SLC16A12: variants seen among roughly 807,000 people sequenced by gnomAD.
The protein encoded by SLC16A12 is monocarboxylate transporter 12.
SLC16A12 carries 17 observed loss-of-function variants against 42.4 expected under a neutral mutation model. That is an observed-to-expected ratio of 0.40 (90% CI 0.27 to 0.60). The LOEUF (loss-of-function observed/expected upper bound fraction) is 0.60, where lower values mean the gene tolerates loss of function less well. SLC16A12 is among the 20% of genes least tolerant of loss of function. The pLI is 0.42. For missense variants in SLC16A12, 544 were observed against 623.0 expected (o/e 0.87, Z 1.35); for synonymous variants, 224 against 229.4 (o/e 0.98, Z 0.21).
At chr10:89,439,909 A>G (rs868139318) in intron 5 of SLC16A12, among the ~76,000 whole-genome samples, 1 of 148,682 alleles carries the variant, frequency 6.7e-6, no homozygotes, top group Non-Finnish European at 1.5e-5. Flanking sequence ...CCATCTCTGC[A>G]AAAAAAAATA....
chr10:89,555,007 C>T (rs1029138513), intron 2 of SLC16A12, among the ~76,000 whole-genome samples: 6 of 152,138 alleles, frequency 3.9e-5, no homozygotes, highest in African/African-American at 1.4e-4. Context: ...CCATACCTAA[C>T]CCTTGTCTGT....
chr10:89,462,694 T>C, intron 2 of SLC16A12, 70 bp from the exon 3 acceptor site: 3 of 1,434,396 alleles, frequency 2.1e-6, no homozygotes, highest in Non-Finnish European at 2.7e-6. Context: ...CTTCACTTGG[T>C]AAGACATGAT....
At chr10:89,545,601 A>AG (rs1307171705) in intron 2 of SLC16A12, among the ~76,000 whole-genome samples, 1 of 152,262 alleles carries the variant, frequency 6.6e-6, no homozygotes, top group Admixed American at 6.5e-5. Flanking sequence ...CCTCATGGAT[A>AG]GGAAGAATCA....
chr10:89,466,107 T>C (rs543591382), intron 2 of SLC16A12, among the ~76,000 whole-genome samples: 82 of 152,298 alleles, frequency 5.4e-4, no homozygotes, highest in African/African-American at 1.7e-3. Context: ...TTACTTTATG[T>C]CTCTGAGCCT....
At chr10:89,512,808 G>T (rs538845702) in intron 2 of SLC16A12, among the ~76,000 whole-genome samples, 2 of 152,318 alleles carry the variant, frequency 1.3e-5, no homozygotes, top group African/African-American at 4.8e-5. Context: ...CCAAGAGGGG[G>T]TTGGAACCTC....
At chr10:89,542,004 A>G (rs1011830898) in intron 2 of SLC16A12, among the ~76,000 whole-genome samples, 1 of 152,182 alleles carries the variant, frequency 6.6e-6, no homozygotes, top group Non-Finnish European at 1.5e-5. Context: ...AGTTCCTGTG[A>G]TATCCCAGGG....
At chr10:89,555,068 G>T (rs537495991) in intron 2 of SLC16A12, among the ~76,000 whole-genome samples, 1 of 152,194 alleles carries the variant, frequency 6.6e-6, no homozygotes, top group East Asian at 1.9e-4. Flanking sequence ...CACCTAGAAA[G>T]CATCCAGTAA....
At chr10:89,495,735 T>C (rs1339126340) in intron 2 of SLC16A12, among the ~76,000 whole-genome samples, 2 of 152,210 alleles carry the variant, frequency 1.3e-5, no homozygotes, top group Non-Finnish European at 1.5e-5. Flanking sequence ...TACAGTACAC[T>C]GTAGAGTACA....
intron 2 of SLC16A12, among the ~76,000 whole-genome samples, chr10:89,473,807 A>C (rs938573978): frequency 3.9e-5 from 6 of 152,132 alleles, no homozygotes. Flanking sequence ...TAGAGAAGCA[A>C]GAGGGAAACA....
At chr10:89,500,468 G>A (rs1347850932) in intron 2 of SLC16A12, among the ~76,000 whole-genome samples, 1 of 151,996 alleles carries the variant, frequency 6.6e-6, no homozygotes, top group Non-Finnish European at 1.5e-5. Context: ...CATAGCAGGA[G>A]TGTGAATGTA....
intron 4 of SLC16A12, among the ~76,000 whole-genome samples, chr10:89,442,611 G>A (rs1283120188): frequency 6.6e-6 from 1 of 152,146 alleles, no homozygotes; most frequent in Non-Finnish European, 1.5e-5. Context: ...AAAAAGACAA[G>A]CTCTATAACT....
At position 89,438,687 on chromosome 10, in the gene SLC16A12, A is replaced by T; in HGVS notation, c.945T>A (p.His315Gln). ...TGGACATAAGAAAAGCAGCTTGCTGATGACTCACTCCAACACTCAAAGCAT... is the reference window on the plus strand; with the variant it reads ...TGGACATAAGAAAAGCAGCTTGCTGTTGACTCACTCCAACACTCAAAGCAT... ...VPYALSVGVS[H>Q]QQAAFLMSIL... The change falls in exon 6 of 8, where the codon CAT becomes CAA. Residue 315 changes from histidine to glutamine, a missense_variant. Physicochemically the swap from His to Gln is conservative, Grantham distance 24. Coordinates refer to ENST00000371790, the MANE Select transcript of SLC16A12 (RefSeq NM_213606.4). 1 of 1,614,116 alleles carries T rather than the reference A, an allele frequency of 6.2e-7. No homozygotes were observed. Among genetic ancestry groups the T allele is most frequent in the Admixed American group, 1.7e-5 (1 of 59,996 alleles).
At chr10:89,522,908 A>C (rs909666571) in intron 2 of SLC16A12, among the ~76,000 whole-genome samples, 1 of 152,242 alleles carries the variant, frequency 6.6e-6, no homozygotes, top group Non-Finnish European at 1.5e-5. Flanking sequence ...TTGTAGACAC[A>C]AGTGAGACCT....
At chr10:89,484,796 T>G (rs1052217251) in intron 2 of SLC16A12, among the ~76,000 whole-genome samples, 1 of 152,184 alleles carries the variant, frequency 6.6e-6, no homozygotes, top group East Asian at 1.9e-4. Flanking sequence ...AAATTGGAAA[T>G]ACTAGGTACT....
chr10:89,485,030 T>G (rs955473877), intron 2 of SLC16A12, among the ~76,000 whole-genome samples: 1 of 152,048 alleles, frequency 6.6e-6, no homozygotes, highest in African/African-American at 2.4e-5. Context: ...AGCTGGGAGG[T>G]GCAGCACAAC....
intron 3 of SLC16A12, among the ~76,000 whole-genome samples, chr10:89,460,066 G>A (rs1256981125): frequency 2.0e-5 from 3 of 152,194 alleles, no homozygotes; most frequent in Non-Finnish European, 4.4e-5. Context: ...ACTTATCTTA[G>A]TATCTCATCT....
At chr10:89,435,792 C>G (rs141589049) in intron 7 of SLC16A12, among the ~76,000 whole-genome samples, 1 of 152,028 alleles carries the variant, frequency 6.6e-6, no homozygotes, top group East Asian at 1.9e-4. Context: ...TCCCCCTGCT[C>G]CCATCATTAA....
chr10:89,506,255 C>T (rs1011357116), intron 2 of SLC16A12, among the ~76,000 whole-genome samples: 2 of 152,198 alleles, frequency 1.3e-5, no homozygotes, highest in African/African-American at 4.8e-5. Context: ...CAACTGGGTC[C>T]CTGACCCCAT....
rs543131998 is a variant in SLC16A12 at position 89,512,184 on chromosome 10, C to G, written c.-47+22317G>C. 1.5e-3 allele frequency among the ~76,000 whole-genome samples: 225 copies of G among 152,236 alleles called. 1 individual carries two copies. Among genetic ancestry groups the G allele is most frequent in the Non-Finnish European group, 2.7e-3 (186 of 68,022 alleles). On this transcript the variant is annotated intron_variant, in intron 2 of 7. Coordinates refer to ENST00000371790, the MANE Select transcript of SLC16A12 (RefSeq NM_213606.4). ...AAGGGGAGTTAGTATTTAATGGGCA[C>G]AGAGTTTCAGTATGGGAAGATGAAA...
Sources: allele counts gnomAD v4.1 joint callset (sites outside exome capture counted in the v4.1 genomes callset), GRCh38; gene constraint gnomAD v4.1.1; transcripts MANE v1.5; gene names NCBI Gene and HGNC (gene_info 2026-07-23, HGNC 2026-07-21).